The following TMEM131 variants were observed in gnomAD, a reference collection of about 807,000 sequenced individuals.
TMEM131 encodes 2610524E03Rik.
A neutral mutation model predicts 211.6 loss-of-function variants in TMEM131; 66 were observed. That is an observed-to-expected ratio of 0.31 (90% CI 0.26 to 0.38). The LOEUF (loss-of-function observed/expected upper bound fraction) is 0.38. TMEM131 is among the 10% of genes least tolerant of loss of function. TMEM131 has a pLI of 1.00. For synonymous variants in TMEM131, 844 were observed against 841.3 expected, an observed-to-expected ratio of 1.00 and a Z score of -0.06; for missense variants, 2,036 against 2,299.3, an observed-to-expected ratio of 0.89 and a Z score of 2.34.
intron 1 of TMEM131, among the ~76,000 whole-genome samples, chr2:97,942,863 T>C (rs1677806904): frequency 6.6e-6 from 1 of 151,524 alleles, no homozygotes; most frequent in South Asian, 2.1e-4. Context: ...GGGGAACGGC[T>C]GTAATCCCAG....
chr2:97,776,064 T>C (rs1437540116), intron 31 of TMEM131, 46 bp from the exon 32 acceptor site: 2 of 1,574,936 alleles, frequency 1.3e-6, no homozygotes, highest in Non-Finnish European at 1.7e-6. Flanking sequence ...TTTGTTTCTT[T>C]TTTTTTTGAG....
At chr2:97,808,025 T>A (rs980406444) in intron 19 of TMEM131, among the ~76,000 whole-genome samples, 3 of 151,616 alleles carry the variant, frequency 2.0e-5, no homozygotes, top group South Asian at 2.1e-4. Context: ...TGTTTTAGAT[T>A]TTTTTTTTGG....
chr2:97,863,832 TAG>T (rs1328558872), intron 4 of TMEM131, among the ~76,000 whole-genome samples: 1 of 152,116 alleles, frequency 6.6e-6, no homozygotes, highest in East Asian at 1.9e-4. Context: ...CTCAAAAAAC[TAG>T]AAGTAGAGCT....
At chr2:97,979,863 G>A (rs1183848054) in intron 1 of TMEM131, among the ~76,000 whole-genome samples, 2 of 152,120 alleles carry the variant, frequency 1.3e-5, no homozygotes, top group Non-Finnish European at 2.9e-5. Context: ...CCTAGCTTTT[G>A]GCCTTTCTCA....
intron 31 of TMEM131, among the ~76,000 whole-genome samples, chr2:97,789,293 C>T (rs1375889537): frequency 6.6e-6 from 1 of 152,200 alleles, no homozygotes; most frequent in Non-Finnish European, 1.5e-5. Flanking sequence ...TTTGGCCTTG[C>T]CCTCAGGATT....
Position 97,920,680 on chromosome 2 carries a change from A to G in TMEM131, c.249+6746T>C, listed in dbSNP as rs570915763. On this transcript the variant is annotated intron_variant, in intron 2 of 40. Coordinates refer to ENST00000186436, the MANE Select transcript of TMEM131 (RefSeq NM_015348.2). ...GAAATTGCCACTTTTATAGATCAAT[A>G]AAGGCCGGGCATCAGCAATATGCTT... Among the ~76,000 whole-genome samples the G allele has an allele frequency of 7.9e-5, 12 of 152,334 alleles. No individual in the cohort carries two copies. The South Asian group carries it at 1.2e-3, about 16-fold the overall frequency.
At position 97,759,924 on chromosome 2, in the gene TMEM131, C is replaced by A. The variant is rs546541222; in HGVS notation, c.5109-175G>T. 8.5e-6 allele frequency: 5 copies of A among 588,040 alleles called. No homozygotes were observed. In the East Asian group the frequency reaches 1.4e-4, roughly 17 times the overall value. 36.4% of individuals were successfully genotyped at this position (588,040 alleles called of 1,614,324 possible). On this transcript the variant is annotated intron_variant, in intron 38 of 40. Coordinates refer to ENST00000186436, the MANE Select transcript of TMEM131 (RefSeq NM_015348.2). ...TGGCTGCTTACCACAAGGGTTGAGTCGGAGGGAGCCCCAGAGCTCCGGATG... is the reference window on the plus strand; with the variant it reads ...TGGCTGCTTACCACAAGGGTTGAGTAGGAGGGAGCCCCAGAGCTCCGGATG...
intron 1 of TMEM131, among the ~76,000 whole-genome samples, chr2:97,987,127 C>A (rs1441301546): frequency 6.6e-6 from 1 of 152,180 alleles, no homozygotes; most frequent in Non-Finnish European, 1.5e-5. Flanking sequence ...ATCCTTTGAT[C>A]CAAATGTAAT....
intron 4 of TMEM131, among the ~76,000 whole-genome samples, chr2:97,881,749 T>G (rs1483698293): frequency 6.8e-6 from 1 of 146,960 alleles, no homozygotes; most frequent in African/African-American, 2.5e-5. Context: ...GAGGTAGATG[T>G]TGAATAGGTA....
intron 7 of TMEM131, among the ~76,000 whole-genome samples, chr2:97,838,884 T>A (rs1325410601): frequency 2.6e-5 from 4 of 152,252 alleles, no homozygotes; most frequent in Non-Finnish European, 5.9e-5. Flanking sequence ...GTTACAGTGC[T>A]CATCTATAGT....
chr2:97,843,824 CACT>C (rs1683306974), intron 6 of TMEM131, among the ~76,000 whole-genome samples: 1 of 152,088 alleles, frequency 6.6e-6, no homozygotes, highest in African/African-American at 2.4e-5. Flanking sequence ...TTAATCTTGA[CACT>C]ATTATCAAGT....
chr2:97,969,240 C>A (rs1679191208), intron 1 of TMEM131, among the ~76,000 whole-genome samples: 1 of 152,092 alleles, frequency 6.6e-6, no homozygotes, highest in Non-Finnish European at 1.5e-5. Flanking sequence ...GAGAAGTTAC[C>A]CTGTACACAG....
chr2:97,914,163 T>G (rs958694768), intron 2 of TMEM131, among the ~76,000 whole-genome samples: 1 of 152,210 alleles, frequency 6.6e-6, no homozygotes, highest in Non-Finnish European at 1.5e-5. Context: ...CTTTCCTGAC[T>G]TTCTAATTGT....
intron 2 of TMEM131, among the ~76,000 whole-genome samples, chr2:97,917,128 A>G (rs1676540080): frequency 6.6e-6 from 1 of 152,206 alleles, no homozygotes; most frequent in African/African-American, 2.4e-5. Context: ...GTAATCTATT[A>G]GCCCATGAGC....
At position 97,766,241 on chromosome 2, in the gene TMEM131, G is replaced by A; in HGVS notation, c.4596C>T (p.Asn1532=). The A allele has an allele frequency of 6.2e-7, 1 of 1,614,058 alleles. No individual in the cohort carries two copies. The highest frequency in any genetic ancestry group is 8.5e-7 in the Non-Finnish European group (1 of 1,179,894). ...KTKGTSKLVD[N]RPPALAKFLP... is the part of the protein sequence containing the mutation. ...GGAATTTTGCTAGGGCAGGTGGTCT[G>A]TTATCCACTAACTTACTTGTACCTG... Residue 1532 remains asparagine, a synonymous_variant, in exon 35 of 41, where the codon AAC becomes AAT. Transcript: ENST00000186436.
At chr2:97,765,995 G>T in intron 35 of TMEM131, 119 bp downstream of exon 35, 1 of 1,309,138 alleles carries the variant, frequency 7.6e-7, no homozygotes, top group Non-Finnish European at 1.0e-6. Flanking sequence ...TGGGCTCTTA[G>T]CTGGCAAAGC....
At chr2:97,915,018 T>C (rs749451019) in intron 2 of TMEM131, among the ~76,000 whole-genome samples, 1 of 152,258 alleles carries the variant, frequency 6.6e-6, no homozygotes, top group Non-Finnish European at 1.5e-5. Context: ...TGATCCAGTT[T>C]CTCCACATCC....
At chr2:97,772,953 C>T (rs780665067) in intron 32 of TMEM131, among the ~76,000 whole-genome samples, 7 of 152,178 alleles carry the variant, frequency 4.6e-5, no homozygotes, top group South Asian at 2.1e-4. Flanking sequence ...TTATAAAGAA[C>T]GTCATTTTAA....
intron 37 of TMEM131, 29 bp from the exon 38 acceptor site, chr2:97,760,718 A>G: frequency 1.9e-6 from 3 of 1,614,014 alleles, no homozygotes; most frequent in Non-Finnish European, 1.7e-6. Flanking sequence ...AATCAATGGA[A>G]GGCACATTAG....
Sources: allele counts gnomAD v4.1 joint callset (sites outside exome capture counted in the v4.1 genomes callset), GRCh38; gene constraint gnomAD v4.1.1; transcripts MANE v1.5; gene names NCBI Gene and HGNC (gene_info 2026-07-23, HGNC 2026-07-21).